The following ZNF721 variants were observed in gnomAD, a reference collection of about 807,000 sequenced individuals.
ZNF721 encodes zinc finger protein 721.
In ZNF721, 2 loss-of-function variants were observed where a neutral mutation model predicts 2.4. The observed-to-expected ratio is 0.82, with a 90% confidence interval of 0.34 to 2.58. The LOEUF (loss-of-function observed/expected upper bound fraction) is 2.58, where lower values mean the gene tolerates loss of function less well. Ranked by LOEUF, ZNF721 falls within the 30% of genes most tolerant of loss-of-function variation. ZNF721 has a pLI of 0.11. For synonymous variants in ZNF721, 398 were observed against 381.8 expected, an observed-to-expected ratio of 1.04 and a Z score of -0.50; for missense variants, 1,187 against 1,085.5, an observed-to-expected ratio of 1.09 and a Z score of -1.31.
In ZNF721 at chr4:444,035, T is replaced by G. The variant is rs782261910; in HGVS notation, c.432A>C (p.Lys144Asn). Residue 144 changes from lysine to asparagine, a missense_variant, in exon 3 of 3, where the codon AAA becomes AAC. Coordinates refer to ENST00000511833, the MANE Select transcript of ZNF721 (RefSeq NM_133474.4). Reference protein sequence around the residue: ...EKPYTCEERGKDFGWYTDLNQ... With the variant: ...EKPYTCEERGNDFGWYTDLNQ... Reference sequence around the variant, plus strand: ...TCAGGTCTGTGTACCATCCAAAGTCTTTGCCACGTTCTTCACAAGTGTAGG... The same window carrying G: ...TCAGGTCTGTGTACCATCCAAAGTCGTTGCCACGTTCTTCACAAGTGTAGG... The G allele has an allele frequency of 6.2e-7, 1 of 1,613,850 alleles. No individual in the cohort carries two copies. The highest frequency in any genetic ancestry group is 8.5e-7 in the Non-Finnish European group (1 of 1,179,748).
chr4:488,415 G>A (rs1264918063), intron 1 of ZNF721, among the ~76,000 whole-genome samples: 3 of 152,168 alleles, frequency 2.0e-5, no homozygotes, highest in Admixed American at 2.0e-4. Context: ...AAAACAAGAA[G>A]TTTGCCTTTA....
At chr4:473,614 A>G (rs1483133563) in intron 1 of ZNF721, among the ~76,000 whole-genome samples, 4 of 152,064 alleles carry the variant, frequency 2.6e-5, no homozygotes, top group Non-Finnish European at 5.9e-5. Flanking sequence ...CATGAACTCT[A>G]TGTTTTGATG....
chr4:444,410 T>C lies in ZNF721; in HGVS notation c.57A>G (p.Gln19=), dbSNP rs1553863924. 1.3e-6 allele frequency: 2 copies of C among 1,588,568 alleles called. No individual in the cohort carries two copies. The highest frequency in any genetic ancestry group is 1.7e-6 in the Non-Finnish European group (2 of 1,169,468). ...CTATCCCCTGCACTGGCAAAAAGTCTTGGGTGAAATGAGAACACATAGCTG... is the reference window on the plus strand; with the variant it reads ...CTATCCCCTGCACTGGCAAAAAGTCCTGGGTGAAATGAGAACACATAGCTG... ...VSLAMCSHFT[Q]DFLPVQGIED... The change falls in exon 3 of 3, where the codon CAA becomes CAG. Residue 19 remains glutamine, a synonymous_variant. Transcript: ENST00000511833.
chr4:465,230 CA>C (rs1715207193), intron 2 of ZNF721, among the ~76,000 whole-genome samples: 1 of 151,752 alleles, frequency 6.6e-6, no homozygotes, highest in Non-Finnish European at 1.5e-5. Flanking sequence ...AAAAAAATAC[CA>C]AAAAACTTAG....
intron 2 of ZNF721, among the ~76,000 whole-genome samples, chr4:448,238 A>T (rs1248079230): frequency 6.6e-6 from 1 of 152,044 alleles, no homozygotes; most frequent in African/African-American, 2.4e-5. Flanking sequence ...TGAATGTAGA[A>T]TAAAAGAAAG....
intron 2 of ZNF721, among the ~76,000 whole-genome samples, chr4:452,466 T>C (rs921058488): frequency 4.6e-5 from 7 of 152,120 alleles, no homozygotes; most frequent in Admixed American, 2.6e-4. Context: ...CCCACATGGG[T>C]AACATTTTAC....
chr4:476,160 C>A, intron 1 of ZNF721, among the ~76,000 whole-genome samples: 1 of 152,168 alleles, frequency 6.6e-6, no homozygotes, highest in East Asian at 1.9e-4. Context: ...ATTGACCAAG[C>A]CAGTATGGAT....
rs376255771 is a variant in ZNF721, at chr4:443,621, A to G, written c.846T>C (p.Cys282=). 1.2e-6 allele frequency: 2 copies of G among 1,613,992 alleles called. No individual in the cohort carries two copies. Among genetic ancestry groups the G allele is most frequent in the African/African-American group, 2.7e-5 (2 of 75,028 alleles). ...TGEKPFKCLE[C]GKAFNISTTL... ...TTGTGGAAATATTAAAGGCTTTACC[A>G]CATTCTAAACATTTAAAGGGTTTCT... Residue 282 remains cysteine (C), a synonymous_variant, in exon 3 of 3, where the codon TGT becomes TGC. Transcript: ENST00000511833.
At chr4:471,828 T>A (rs537917865) in intron 2 of ZNF721, among the ~76,000 whole-genome samples, 1 of 152,310 alleles carries the variant, frequency 6.6e-6, no homozygotes, top group South Asian at 2.1e-4. Context: ...ATAAAATATA[T>A]GCATATATTA....
chr4:442,349 A>G lies in ZNF721; in HGVS notation c.2118T>C (p.Phe706=), dbSNP rs782461283. Residue 706 remains phenylalanine, a synonymous_variant, in exon 3 of 3, where the codon TTT becomes TTC. Coordinates refer to ENST00000511833, the MANE Select transcript of ZNF721 (RefSeq NM_133474.4). Reference sequence around the variant, plus strand: ...GTGTAGTAAGGTTTCTTGACCTACTAAAGGCTTTGCCACACTCTTCACATT... The same window carrying G: ...GTGTAGTAAGGTTTCTTGACCTACTGAAGGCTTTGCCACACTCTTCACATT... ...PYKCEECGKA[F]SRSRNLTTHR... 6.2e-7 allele frequency: 1 copy of G among 1,614,046 alleles called. No homozygotes were observed. The highest frequency in any genetic ancestry group is 8.5e-7 in the Non-Finnish European group (1 of 1,179,928).
At position 442,786 on chromosome 4, in the gene ZNF721, C is replaced by T. The variant is rs1553863461; in HGVS notation, c.1681G>A (p.Glu561Lys). Reference protein sequence around the residue: ...HTGEKPYTCEECGKTFRQSAN... With the variant: ...HTGEKPYTCEKCGKTFRQSAN... ...GACTGTCTAAAGGTTTTGCCACATT[C>T]TTCACATGTGTAGGGTTTCTCTCCA... Residue 561 changes from glutamate to lysine, a missense_variant, in exon 3 of 3, where the codon GAA (glutamate) becomes AAA (lysine). Coordinates refer to ENST00000511833, the MANE Select transcript of ZNF721 (RefSeq NM_133474.4). The T allele has an allele frequency of 6.2e-7, 1 of 1,614,016 alleles. No individual in the cohort carries two copies. Among genetic ancestry groups the T allele is most frequent in the Non-Finnish European group, 8.5e-7 (1 of 1,179,974 alleles).
intron 2 of ZNF721, among the ~76,000 whole-genome samples, chr4:444,745 GA>G: frequency 6.6e-6 from 1 of 152,236 alleles, no homozygotes; most frequent in East Asian, 1.9e-4. Flanking sequence ...GCCATTAGAA[GA>G]AAGCTCTCAA....
intron 1 of ZNF721, among the ~76,000 whole-genome samples, chr4:482,310 T>C (rs1187213818): frequency 6.6e-6 from 1 of 151,866 alleles, no homozygotes; most frequent in Admixed American, 6.6e-5. Context: ...ATTACAGGCA[T>C]GTGCCACCAC....
rs531551492 is a variant in ZNF721, at chr4:459,408, T to C, written c.34+13167A>G. On this transcript the variant is annotated intron_variant, in intron 2 of 2. Transcript: ENST00000511833. The stretch of plus-strand genomic sequence containing the variant: ...CTATATTGAGGAGACCCATCTCATG[T>C]GCAAAGACAAACACAGGCTCAAAAT... 1.7e-4 allele frequency among the ~76,000 whole-genome samples: 26 copies of C among 152,158 alleles called. No homozygotes were observed. In the South Asian group the frequency reaches 5.4e-3, roughly 32 times the overall value.
chr4:492,501 T>C (rs973934521), intron 1 of ZNF721, among the ~76,000 whole-genome samples: 2 of 152,068 alleles, frequency 1.3e-5, no homozygotes, highest in African/African-American at 2.4e-5. Flanking sequence ...GAAAATTTCA[T>C]TTTTCTAACA....
At chr4:496,746 G>A (rs1237778910) in intron 1 of ZNF721, among the ~76,000 whole-genome samples, 1 of 120,696 alleles carries the variant, frequency 8.3e-6, no homozygotes, top group Non-Finnish European at 1.6e-5. Flanking sequence ...ACGGAGTCTC[G>A]CTGTCGCCCA....
At chr4:451,972 T>C (rs1189358899) in intron 2 of ZNF721, among the ~76,000 whole-genome samples, 2 of 152,190 alleles carry the variant, frequency 1.3e-5, no homozygotes, top group Admixed American at 6.5e-5. Context: ...GGAATCCCAG[T>C]TGGTAAAGGG....
intron 2 of ZNF721, among the ~76,000 whole-genome samples, chr4:447,225 G>A (rs1714506070): frequency 6.6e-6 from 1 of 151,972 alleles, no homozygotes; most frequent in Non-Finnish European, 1.5e-5. Flanking sequence ...GGGAGGCTGA[G>A]GAAGGAGAAT....
At position 482,098 on chromosome 4, in the gene ZNF721, T is replaced by C. The variant is rs564750169; in HGVS notation, c.-93-9397A>G. The stretch of plus-strand genomic sequence containing the variant: ...AAAGGTCACATATGACTGTGAGACA[T>C]TGTTGATGAAATGCTCCCACAGGTC... On this transcript the variant is annotated intron_variant, in intron 1 of 2. Coordinates refer to ENST00000511833, the MANE Select transcript of ZNF721 (RefSeq NM_133474.4). Among the ~76,000 whole-genome samples, 21 of 152,350 alleles carry C rather than the reference T, an allele frequency of 1.4e-4. 2 individuals are homozygous for C. The South Asian group carries it at 3.1e-3, about 23-fold the overall frequency.
Sources: allele counts gnomAD v4.1 joint callset (sites outside exome capture counted in the v4.1 genomes callset), GRCh38; gene constraint gnomAD v4.1.1; transcripts MANE v1.5; gene names NCBI Gene and HGNC (gene_info 2026-07-23, HGNC 2026-07-21).